The following NCKAP5 variants were observed in gnomAD, a reference collection of about 807,000 sequenced individuals.
NCKAP5 encodes the protein nck-associated protein 5.
In NCKAP5, 92 loss-of-function variants were observed where a neutral mutation model predicts 167.0. The ratio of observed to expected loss-of-function variants is 0.55; its 90% CI spans 0.47 to 0.66. The LOEUF (loss-of-function observed/expected upper bound fraction) is 0.66, where lower values mean the gene tolerates loss of function less well. NCKAP5 is among the 30% of genes least tolerant of loss of function. The pLI is 0.00. For missense variants in NCKAP5, 2,378 were observed against 2,315.0 expected (o/e 1.03, Z -0.56); for synonymous variants, 891 against 877.4 (o/e 1.02, Z -0.27).
intron 8 of NCKAP5, among the ~76,000 whole-genome samples, chr2:132,901,081 T>G (rs551503696): frequency 6.6e-6 from 1 of 152,198 alleles, no homozygotes; most frequent in Non-Finnish European, 1.5e-5. Context: ...ACTTTTTGCT[T>G]TTCTGCCCTT....
intron 3 of NCKAP5, among the ~76,000 whole-genome samples, chr2:133,353,952 A>T (rs1437697170): frequency 6.6e-6 from 1 of 152,210 alleles, no homozygotes; most frequent in African/African-American, 2.4e-5. Context: ...AAGCTGTCAC[A>T]CTGGCCCTCT....
chr2:133,377,868 T>C (rs375183599), intron 3 of NCKAP5, among the ~76,000 whole-genome samples: 1 of 152,136 alleles, frequency 6.6e-6, no homozygotes, highest in East Asian at 1.9e-4. Context: ...CAAACTGGCC[T>C]TGGATTCATG....
intron 8 of NCKAP5, among the ~76,000 whole-genome samples, chr2:132,948,238 G>A (rs1217147875): frequency 6.6e-6 from 1 of 152,164 alleles, no homozygotes; most frequent in African/African-American, 2.4e-5. Context: ...GGGCTTCAAG[G>A]GAAAAGTGGG....
At chr2:132,717,057 T>C (rs1001816772) in intron 19 of NCKAP5, among the ~76,000 whole-genome samples, 3 of 152,160 alleles carry the variant, frequency 2.0e-5, no homozygotes, top group Non-Finnish European at 4.4e-5. Flanking sequence ...TTTTCTGATG[T>C]TGGATGAATA....
chr2:133,066,545 T>G (rs562947351), intron 6 of NCKAP5, among the ~76,000 whole-genome samples: 1 of 152,242 alleles, frequency 6.6e-6, no homozygotes, highest in Admixed American at 6.5e-5. Flanking sequence ...CTTCTATTTT[T>G]TCCTTTCCTT....
chr2:133,432,103 T>C (rs1051573617), intron 3 of NCKAP5, among the ~76,000 whole-genome samples: 1 of 152,218 alleles, frequency 6.6e-6, no homozygotes, highest in African/African-American at 2.4e-5. Context: ...AATAATCACC[T>C]AGCCTAGTGT....
intron 11 of NCKAP5, among the ~76,000 whole-genome samples, chr2:132,843,249 T>G: frequency 6.6e-6 from 1 of 152,180 alleles, no homozygotes; most frequent in East Asian, 1.9e-4. Context: ...TTTACGTTCC[T>G]ATTATTTATC....
chr2:133,368,345 C>A (rs1414673219), intron 3 of NCKAP5, among the ~76,000 whole-genome samples: 1 of 152,088 alleles, frequency 6.6e-6, no homozygotes, highest in African/African-American at 2.4e-5. Flanking sequence ...GGATAAATAA[C>A]CAAAATGTTA....
intron 4 of NCKAP5, among the ~76,000 whole-genome samples, chr2:133,227,435 A>G (rs980541187): frequency 6.6e-6 from 1 of 152,168 alleles, no homozygotes; most frequent in Non-Finnish European, 1.5e-5. Flanking sequence ...AAACACATGT[A>G]TATACTCTCT....
intron 16 of NCKAP5, among the ~76,000 whole-genome samples, chr2:132,739,289 T>C (rs1201627764): frequency 6.6e-6 from 1 of 152,194 alleles, no homozygotes; most frequent in Non-Finnish European, 1.5e-5. Context: ...CTCAAAACTC[T>C]TGGTATTATT....
the NCKAP5 span, among the ~76,000 whole-genome samples, chr2:133,594,039 T>C: frequency 1.3e-5 from 2 of 152,196 alleles, no homozygotes; most frequent in Non-Finnish European, 2.9e-5. Flanking sequence ...CCCACCCAAA[T>C]CTTCTACAAC....
chr2:132,786,799 T>C (rs1264140292), intron 13 of NCKAP5, among the ~76,000 whole-genome samples: 2 of 152,158 alleles, frequency 1.3e-5, no homozygotes, highest in African/African-American at 4.8e-5. Flanking sequence ...GGAGCAAAGG[T>C]ATGACCTCTG....
chr2:132,860,420 A>T, intron 11 of NCKAP5, 72 bp downstream of exon 11: 2 of 1,502,316 alleles, frequency 1.3e-6, no homozygotes, highest in South Asian at 2.6e-5. Context: ...GATGTTGCTA[A>T]CTTCTGAACT....
At chr2:132,869,472 C>A (rs1278315410) in intron 9 of NCKAP5, among the ~76,000 whole-genome samples, 1 of 152,162 alleles carries the variant, frequency 6.6e-6, no homozygotes, top group African/African-American at 2.4e-5. Flanking sequence ...GTCCTGCTTT[C>A]ATCTTCAATG....
chr2:132,888,095 T>C (rs1692397859), intron 8 of NCKAP5, among the ~76,000 whole-genome samples: 1 of 152,232 alleles, frequency 6.6e-6, no homozygotes, highest in Admixed American at 6.5e-5. Flanking sequence ...GATCATGCTT[T>C]ATACGCCTCT....
At chr2:132,953,427 C>T (rs752438447) in intron 8 of NCKAP5, among the ~76,000 whole-genome samples, 1 of 152,116 alleles carries the variant, frequency 6.6e-6, no homozygotes, top group Non-Finnish European at 1.5e-5. Context: ...CTTGTACACA[C>T]CTTACATTTT....
At chr2:133,344,254 C>G (rs1683798072) in intron 3 of NCKAP5, among the ~76,000 whole-genome samples, 1 of 151,918 alleles carries the variant, frequency 6.6e-6, no homozygotes, top group Admixed American at 6.6e-5. Context: ...ACTAAAAATA[C>G]AAAAATTAGC....
At chr2:133,299,120 A>C (rs557679960) in intron 4 of NCKAP5, among the ~76,000 whole-genome samples, 1 of 152,274 alleles carries the variant, frequency 6.6e-6, no homozygotes, top group South Asian at 2.1e-4. Context: ...TTTTTGTTGT[A>C]TCCTACCAGC....
chr2:133,172,058 C>G (rs1373235976), intron 5 of NCKAP5, among the ~76,000 whole-genome samples: 1 of 152,144 alleles, frequency 6.6e-6, no homozygotes, highest in Non-Finnish European at 1.5e-5. Context: ...ACTCTGGACA[C>G]TTTGAAAACA....
Sources: allele counts gnomAD v4.1 joint callset (sites outside exome capture counted in the v4.1 genomes callset), GRCh38; gene constraint gnomAD v4.1.1; transcripts MANE v1.5; gene names NCBI Gene and HGNC (gene_info 2026-07-23, HGNC 2026-07-21).